Variants in KCNIP4 observed in about 807,000 individuals in gnomAD.
The protein encoded by KCNIP4 is potassium voltage-gated channel interacting protein 4.
Under a neutral mutation model 34.0 loss-of-function variants are expected in KCNIP4, and 12 were observed. The ratio of observed to expected loss-of-function variants is 0.35; its 90% CI spans 0.23 to 0.57. KCNIP4 has a LOEUF of 0.57. Ranked by LOEUF, KCNIP4 falls within the 20% of genes least tolerant of loss-of-function variation. KCNIP4 has a pLI of 0.83. For synonymous variants in KCNIP4, 124 were observed against 102.2 expected, an observed-to-expected ratio of 1.21 and a Z score of -1.29; for missense variants, 238 against 311.7, an observed-to-expected ratio of 0.76 and a Z score of 1.78.
intron 1 of KCNIP4, among the ~76,000 whole-genome samples, chr4:21,063,858 A>G (rs1160987939): frequency 6.6e-6 from 1 of 152,064 alleles, no homozygotes; most frequent in Non-Finnish European, 1.5e-5. Context: ...TCTTAATCAA[A>G]TGACTCAAGT....
At chr4:21,603,446 G>A (rs1041117673) in intron 1 of KCNIP4, among the ~76,000 whole-genome samples, 1 of 152,164 alleles carries the variant, frequency 6.6e-6, no homozygotes, top group African/African-American at 2.4e-5. Context: ...GACTTCAAAT[G>A]CAAAGAAGAA....
intron 1 of KCNIP4, among the ~76,000 whole-genome samples, chr4:21,906,575 A>C (rs1025364979): frequency 3.3e-5 from 5 of 152,122 alleles, no homozygotes; most frequent in African/African-American, 1.2e-4. Flanking sequence ...GTGAGAGAAT[A>C]AATTTCTGTC....
intron 1 of KCNIP4, among the ~76,000 whole-genome samples, chr4:21,368,621 G>A (rs772943136): frequency 4.1e-5 from 6 of 147,454 alleles, no homozygotes; most frequent in Admixed American, 6.6e-5. Context: ...CCAAATAGAT[G>A]TAGGCAGTCT....
intron 1 of KCNIP4, among the ~76,000 whole-genome samples, chr4:21,253,310 T>C (rs1760847007): frequency 1.3e-5 from 2 of 152,184 alleles, no homozygotes; most frequent in Admixed American, 1.3e-4. Context: ...AGGTATAAAA[T>C]GTGGTACCCC....
At chr4:21,039,070 C>T (rs1235939989) in intron 1 of KCNIP4, among the ~76,000 whole-genome samples, 1 of 152,096 alleles carries the variant, frequency 6.6e-6, no homozygotes, top group East Asian at 1.9e-4. Context: ...TGGCAATAAG[C>T]ATCAAGAGGC....
chr4:21,387,593 C>T (rs1308452490), intron 1 of KCNIP4, among the ~76,000 whole-genome samples: 1 of 152,118 alleles, frequency 6.6e-6, no homozygotes, highest in Non-Finnish European at 1.5e-5. Context: ...AAACAACGCA[C>T]ACTATTAAAT....
At chr4:20,896,618 G>T (rs1726559721) in intron 1 of KCNIP4, among the ~76,000 whole-genome samples, 1 of 152,124 alleles carries the variant, frequency 6.6e-6, no homozygotes, top group South Asian at 2.1e-4. Flanking sequence ...AGAGGAACAA[G>T]AATAGGTTCT....
At chr4:21,321,805 A>AC (rs1714482914) in intron 1 of KCNIP4, among the ~76,000 whole-genome samples, 1 of 51,994 alleles carries the variant, frequency 1.9e-5, no homozygotes, top group Non-Finnish European at 4.1e-5. Context: ...AGGGAGGGAG[A>AC]AGAGGAGGGA....
intron 1 of KCNIP4, among the ~76,000 whole-genome samples, chr4:21,107,632 T>C (rs1368596930): frequency 6.6e-6 from 1 of 150,780 alleles, no homozygotes; most frequent in Non-Finnish European, 1.5e-5. Flanking sequence ...ATGAATTTGA[T>C]CCTGTCATTA....
At chr4:21,223,442 A>G (rs1758126748) in intron 1 of KCNIP4, among the ~76,000 whole-genome samples, 2 of 152,212 alleles carry the variant, frequency 1.3e-5, no homozygotes, top group South Asian at 4.1e-4. Context: ...GCATGTGGTC[A>G]TTTGTTCCAG....
intron 1 of KCNIP4, among the ~76,000 whole-genome samples, chr4:21,481,097 G>A (rs961336181): frequency 4.6e-5 from 7 of 152,064 alleles, no homozygotes; most frequent in Admixed American, 1.3e-4. Flanking sequence ...ATAACACAAC[G>A]GTTATCTGGA....
At chr4:21,812,061 T>C (rs1435534200) in intron 1 of KCNIP4, among the ~76,000 whole-genome samples, 1 of 152,226 alleles carries the variant, frequency 6.6e-6, no homozygotes, top group East Asian at 1.9e-4. Context: ...TCAAGAAAAA[T>C]GTCTCTAGGT....
intron 1 of KCNIP4, among the ~76,000 whole-genome samples, chr4:21,190,500 A>T (rs1577859774): frequency 1.1e-5 from 1 of 93,640 alleles, no homozygotes. Flanking sequence ...TCTTTTTGCG[A>T]GTGGGTGGGG....
At chr4:21,262,803 T>C (rs1761556017) in intron 1 of KCNIP4, among the ~76,000 whole-genome samples, 1 of 152,200 alleles carries the variant, frequency 6.6e-6, no homozygotes, top group South Asian at 2.1e-4. Flanking sequence ...ATTCCAAGCA[T>C]TTATCAAAAA....
At chr4:20,731,756 C>G in intron 8 of KCNIP4, 1 of 985,390 alleles carries the variant, frequency 1.0e-6, no homozygotes, top group Non-Finnish European at 1.2e-6. Context: ...ATTTGGGAAT[C>G]AACACAGTAC....
chr4:21,275,401 T>C (rs188566370), intron 1 of KCNIP4, among the ~76,000 whole-genome samples: 212 of 152,292 alleles, frequency 1.4e-3, no homozygotes, highest in Non-Finnish European at 2.4e-3. Context: ...AATAGGTCTA[T>C]AAAACAGGAA....
At chr4:20,939,234 C>T (rs1432290945) in intron 1 of KCNIP4, among the ~76,000 whole-genome samples, 4 of 152,098 alleles carry the variant, frequency 2.6e-5, no homozygotes, top group Non-Finnish European at 4.4e-5. Context: ...GGAGCTATTG[C>T]TTCCCAACTC....
intron 1 of KCNIP4, among the ~76,000 whole-genome samples, chr4:21,057,142 T>C (rs1743481350): frequency 6.6e-6 from 1 of 152,088 alleles, no homozygotes; most frequent in Non-Finnish European, 1.5e-5. Flanking sequence ...AGTATCTATG[T>C]GGGAACTAAT....
chr4:21,941,668 G>A (rs1560193129), intron 1 of KCNIP4, among the ~76,000 whole-genome samples: 2 of 152,148 alleles, frequency 1.3e-5, no homozygotes. Flanking sequence ...AATAATTGGG[G>A]TGGGACAGGT....
Sources: gnomAD v4.1 joint callset for allele counts (sites outside exome capture counted in the v4.1 genomes callset) on GRCh38, gnomAD v4.1.1 for gene constraint, MANE v1.5 for transcripts, NCBI Gene and HGNC (gene_info 2026-07-23, HGNC 2026-07-21) for gene names.